The following SLC9A8 variants were observed in gnomAD, a reference collection of about 807,000 sequenced individuals.
The protein encoded by SLC9A8 is sodium/hydrogen exchanger 8.
In SLC9A8, 48 loss-of-function variants were observed where a neutral mutation model predicts 66.6. The observed-to-expected ratio is 0.72, with a 90% CI of 0.57 to 0.92. The LOEUF (loss-of-function observed/expected upper bound fraction) is 0.92, where lower values mean the gene tolerates loss of function less well. SLC9A8 is among the 40% of genes least tolerant of loss of function. The probability of loss-of-function intolerance (pLI) is 0.00; values close to 1 mark genes in which losing one functional copy is unlikely to be tolerated. For missense variants in SLC9A8, 599 were observed against 747.3 expected (o/e 0.80, Z 2.31); for synonymous variants, 274 against 282.6 (o/e 0.97, Z 0.31).
intron 8 of SLC9A8, among the ~76,000 whole-genome samples, chr20:49,856,648 C>T (rs954245323): frequency 6.6e-6 from 1 of 152,082 alleles, no homozygotes; most frequent in African/African-American, 2.4e-5. Context: ...ATGGTGAAAC[C>T]CTGTCTCTAC....
chr20:49,819,556 A>T (rs1244792515), intron 2 of SLC9A8, among the ~76,000 whole-genome samples: 2 of 152,240 alleles, frequency 1.3e-5, no homozygotes, highest in South Asian at 4.1e-4. Context: ...TAAATACATA[A>T]CATACATTTA....
At chr20:49,863,162 T>G (rs937226178) in intron 9 of SLC9A8, 95 bp downstream of exon 9, 17 of 1,183,952 alleles carry the variant, frequency 1.4e-5, no homozygotes, top group Non-Finnish European at 2.0e-5. Context: ...GGGGCCAATT[T>G]TAGATGAAGA....
rs2089762555 is a variant in SLC9A8, at chr20:49,884,244, C to CACG, written c.1491+180_1491+181insGAC. 2.8e-4 allele frequency: 28 copies of CACG among 98,332 alleles called. 4 individuals carry two copies. The highest frequency in any genetic ancestry group is 1.3e-3 in the African/African-American group (14 of 11,196). 6.1% of individuals were successfully genotyped at this position (98,332 alleles called of 1,614,324 possible). A position where few individuals can be genotyped will look rare whatever the true frequency, so the allele number is the denominator to read the frequency against. On this transcript the variant is annotated intron_variant, in intron 14 of 15. Coordinates refer to ENST00000361573, the MANE Select transcript of SLC9A8 (RefSeq NM_015266.3). ...CACACACACACACACACACACACGA[C>CACG]ACACACACACACACGACACACACAC...
chr20:49,884,890 C>T (rs1178954049), intron 14 of SLC9A8, among the ~76,000 whole-genome samples: 2 of 152,240 alleles, frequency 1.3e-5, no homozygotes, highest in Non-Finnish European at 2.9e-5. Flanking sequence ...TAGGCTCCAG[C>T]CCAGAGCATC....
intron 3 of SLC9A8, among the ~76,000 whole-genome samples, chr20:49,835,092 T>C (rs994250672): frequency 6.6e-6 from 1 of 152,176 alleles, no homozygotes. Context: ...ACAACCACTT[T>C]GGAGGATAAT....
chr20:49,882,653 C>T (rs1034225709), intron 13 of SLC9A8, among the ~76,000 whole-genome samples: 3 of 152,238 alleles, frequency 2.0e-5, no homozygotes, highest in African/African-American at 4.8e-5. Flanking sequence ...TGTTTGGATG[C>T]CGTGGGGATG....
intron 11 of SLC9A8, among the ~76,000 whole-genome samples, chr20:49,876,924 G>C (rs1175929128): frequency 1.3e-5 from 2 of 152,230 alleles, no homozygotes; most frequent in South Asian, 2.1e-4. Flanking sequence ...TTTTAAACTT[G>C]GGTACCATTC....
At chr20:49,830,071 A>G in intron 3 of SLC9A8, 3 of 723,074 alleles carry the variant, frequency 4.1e-6, no homozygotes, top group Non-Finnish European at 7.8e-6. Flanking sequence ...TTAAAGATGC[A>G]GATCCTCATT....
chr20:49,821,422 TAGGTTAAATATTTATATAAA>T (rs781390946), intron 2 of SLC9A8, among the ~76,000 whole-genome samples: 5 of 152,222 alleles, frequency 3.3e-5, no homozygotes, highest in Non-Finnish European at 7.3e-5. Context: ...GATTTCTAAC[TAGGTTAAATATTTATATAAA>T]AATAACACCA....
intron 7 of SLC9A8, among the ~76,000 whole-genome samples, chr20:49,852,728 C>T (rs936297727): frequency 6.6e-6 from 1 of 152,066 alleles, no homozygotes; most frequent in African/African-American, 2.4e-5. Context: ...CTCAATGATT[C>T]AGCAGTTTGT....
chr20:49,876,888 G>C (rs558971661), intron 11 of SLC9A8, among the ~76,000 whole-genome samples: 9 of 151,970 alleles, frequency 5.9e-5, no homozygotes, highest in South Asian at 4.2e-4. Flanking sequence ...GAGAAGGGGG[G>C]GTAAATTCTC....
rs570108111 is a variant in SLC9A8, at chr20:49,850,623, C to G, written c.535-187C>G. Reference sequence around the variant, plus strand: ...AATGTAGCATTCTTTTCCATACTCTCGTTGCATGCCGATGGAATGCATGTT... The same window carrying G: ...AATGTAGCATTCTTTTCCATACTCTGGTTGCATGCCGATGGAATGCATGTT... On this transcript the variant is annotated intron_variant, in intron 6 of 15. Transcript: ENST00000361573. The G allele has an allele frequency of 1.0e-5, 6 of 601,880 alleles. No homozygotes were observed. In the East Asian group the frequency reaches 1.7e-4, roughly 17 times the overall value. 37.3% of individuals were successfully genotyped at this position (601,880 alleles called of 1,614,324 possible).
chr20:49,818,871 G>A (rs719219), intron 2 of SLC9A8, among the ~76,000 whole-genome samples: 29,766 of 152,126 alleles, frequency 0.2, 3,664 homozygotes, highest in Non-Finnish European at 0.29. Flanking sequence ...GAACTCAAGT[G>A]AATTAAGGGA....
At chr20:49,815,379 TG>T in intron 2 of SLC9A8, 190 bp downstream of exon 2, 1 of 428,704 alleles carries the variant, frequency 2.3e-6, no homozygotes, top group Admixed American at 4.4e-5. Flanking sequence ...AAAATCATGG[TG>T]CTTAGCAAGT....
chr20:49,816,735 T>C (rs1294285387), intron 2 of SLC9A8, among the ~76,000 whole-genome samples: 5 of 151,346 alleles, frequency 3.3e-5, no homozygotes, highest in Non-Finnish European at 7.4e-5. Flanking sequence ...TTCAAATTCT[T>C]TTTTTTTTCT....
chr20:49,848,192 G>A (rs1485671702), intron 5 of SLC9A8, among the ~76,000 whole-genome samples: 1 of 151,850 alleles, frequency 6.6e-6, no homozygotes, highest in Admixed American at 6.6e-5. Flanking sequence ...CCAAAGTGCT[G>A]GGATTACAGG....
intron 1 of SLC9A8, 22 bp downstream of exon 1, chr20:49,812,970 CGGCGGA>C (rs2146417862): frequency 7.2e-7 from 1 of 1,392,842 alleles, no homozygotes; most frequent in South Asian, 1.5e-5. Context: ...TTTTCCCGGG[CGGCGGA>C]GGCGGCGGGG....
chr20:49,884,312 ACACACACACACACACACACACACACC>A (rs2089799877), intron 14 of SLC9A8, among the ~76,000 whole-genome samples: 1 of 129,656 alleles, frequency 7.7e-6, no homozygotes, highest in African/African-American at 3.0e-5. Flanking sequence ...ACACACACAC[ACACACACACACACACACACACACACC>A]CCCCGGTCAT....
chr20:49,864,891 C>A, intron 10 of SLC9A8, 47 bp downstream of exon 10: 1 of 1,249,270 alleles, frequency 8.0e-7, no homozygotes. Context: ...GCATCTTGTC[C>A]TGCCTGGGGA....
Sources: allele counts gnomAD v4.1 joint callset (sites outside exome capture counted in the v4.1 genomes callset), GRCh38; gene constraint gnomAD v4.1.1; transcripts MANE v1.5; gene names NCBI Gene and HGNC (gene_info 2026-07-23, HGNC 2026-07-21).